PCNX1: variants seen among roughly 807,000 people sequenced by gnomAD.
PCNX1 encodes pecanex-like protein 1.
In PCNX1, 78 loss-of-function variants were observed where a neutral mutation model predicts 242.2. The ratio of observed to expected loss-of-function variants is 0.32; its 90% CI spans 0.27 to 0.39. The LOEUF is 0.39. Ranked by LOEUF, PCNX1 falls within the 10% of genes least tolerant of loss-of-function variation. The pLI is 1.00. For missense variants in PCNX1, 2,581 were observed against 2,856.5 expected (o/e 0.90, Z 2.20); for synonymous variants, 1,024 against 1,032.9 (o/e 0.99, Z 0.17).
At position 71,019,782 on chromosome 14, in the gene PCNX1, T is replaced by C. The variant is rs1284714636; in HGVS notation, c.3150+620T>C. Among the ~76,000 whole-genome samples the C allele has an allele frequency of 2.6e-5, 4 of 152,286 alleles. No individual in the cohort carries two copies. In the East Asian group the frequency reaches 7.7e-4, roughly 29 times the overall value. ...AGTAGTTTTTTTTATTATTATACTT[T>C]AAGTTCTGGGATACATGTGCAGAAT... On this transcript the variant is annotated intron_variant, in intron 12 of 35. Transcript: ENST00000304743.
chr14:71,039,212 T>TA (rs999844203), intron 19 of PCNX1, among the ~76,000 whole-genome samples: 12 of 151,634 alleles, frequency 7.9e-5, no homozygotes, highest in Admixed American at 5.9e-4. Flanking sequence ...CCCTAAAACT[T>TA]AAAGTATAAT....
intron 30 of PCNX1, among the ~76,000 whole-genome samples, chr14:71,095,697 A>G (rs2062256890): frequency 1.3e-5 from 2 of 152,274 alleles, no homozygotes; most frequent in Non-Finnish European, 2.9e-5. Flanking sequence ...TTTTCATTTA[A>G]TATGACATGG....
chr14:70,937,709 A>G (rs1164626546), intron 1 of PCNX1, among the ~76,000 whole-genome samples: 1 of 152,196 alleles, frequency 6.6e-6, no homozygotes, highest in Non-Finnish European at 1.5e-5. Flanking sequence ...CATTGAATCT[A>G]TAAATTACCT....
At chr14:70,973,637 T>C (rs1366806644) in intron 5 of PCNX1, among the ~76,000 whole-genome samples, 1 of 151,982 alleles carries the variant, frequency 6.6e-6, no homozygotes. Flanking sequence ...ATGAGGGATT[T>C]CGATTTTGTA....
intron 35 of PCNX1, 38 bp from the exon 36 acceptor site, chr14:71,109,757 C>T: frequency 6.2e-7 from 1 of 1,609,024 alleles, no homozygotes; most frequent in Admixed American, 1.7e-5. Context: ...TATTCCAGGT[C>T]TCCAGTGCTA....
chr14:70,982,163 A>G (rs2058858673), intron 6 of PCNX1, among the ~76,000 whole-genome samples: 1 of 152,238 alleles, frequency 6.6e-6, no homozygotes, highest in South Asian at 2.1e-4. Flanking sequence ...ATCATTGAGC[A>G]TTAGACAGAA....
intron 2 of PCNX1, among the ~76,000 whole-genome samples, chr14:70,948,739 G>GTA (rs60628602): frequency 0.013 from 1,779 of 142,068 alleles, 39 homozygotes; most frequent in African/African-American, 0.043. Flanking sequence ...ATATATATGT[G>GTA]TATATGTACA....
At chr14:70,992,051 AATT>A (rs2059181099) in intron 7 of PCNX1, among the ~76,000 whole-genome samples, 1 of 152,118 alleles carries the variant, frequency 6.6e-6, no homozygotes, top group East Asian at 1.9e-4. Context: ...ACTGTTTCAG[AATT>A]ATTTTTTAAA....
chr14:70,980,481 C>T (rs1182451269), intron 6 of PCNX1, among the ~76,000 whole-genome samples: 1 of 151,710 alleles, frequency 6.6e-6, no homozygotes, highest in East Asian at 1.9e-4. Flanking sequence ...ATTTTTTTGC[C>T]TGGGGCAGGC....
chr14:70,984,068 T>C (rs1010811362), intron 6 of PCNX1, among the ~76,000 whole-genome samples: 2 of 151,502 alleles, frequency 1.3e-5, no homozygotes, highest in African/African-American at 4.8e-5. Context: ...ATGCCTTTTC[T>C]TTTTCTGAGA....
At chr14:71,054,236 A>C (rs1317406925) in intron 24 of PCNX1, among the ~76,000 whole-genome samples, 1 of 152,242 alleles carries the variant, frequency 6.6e-6, no homozygotes, top group African/African-American at 2.4e-5. Flanking sequence ...TATTACATCA[A>C]AATTCACTCA....
chr14:70,975,395 A>G (rs1167804459), intron 5 of PCNX1, among the ~76,000 whole-genome samples: 1 of 152,214 alleles, frequency 6.6e-6, no homozygotes, highest in Admixed American at 6.5e-5. Context: ...GTAATTGGAC[A>G]TTTATACACT....
chr14:71,016,839 A>C (rs1052626126), intron 11 of PCNX1, among the ~76,000 whole-genome samples: 5 of 152,214 alleles, frequency 3.3e-5, no homozygotes, highest in African/African-American at 1.2e-4. Flanking sequence ...AAGCCCAAGT[A>C]AACAAAAGAA....
rs78470952 is a variant in PCNX1 at position 71,002,818 on chromosome 14, C to G, written c.2630-6816C>G. On this transcript the variant is annotated intron_variant, in intron 8 of 35. Coordinates refer to ENST00000304743, the MANE Select transcript of PCNX1 (RefSeq NM_014982.3). The stretch of plus-strand genomic sequence containing the variant: ...GTTGTGAATAAAATTTCTGAACTGT[C>G]TTTTTGAAAAGAGTTCTACATCCCC... Among the ~76,000 whole-genome samples, 992 of 152,214 alleles carry G rather than the reference C, an allele frequency of 6.5e-3. 12 individuals carry two copies. The highest frequency in any genetic ancestry group is 0.023 in the African/African-American group (937 of 41,516).
At chr14:71,064,542 CTT>C (rs1211381660) in intron 26 of PCNX1, among the ~76,000 whole-genome samples, 1 of 152,118 alleles carries the variant, frequency 6.6e-6, no homozygotes, top group African/African-American at 2.4e-5. Context: ...ATTTAAAAAT[CTT>C]TGATAAACTT....
At chr14:71,016,057 A>G (rs942514553) in intron 11 of PCNX1, among the ~76,000 whole-genome samples, 17 of 152,298 alleles carry the variant, frequency 1.1e-4, no homozygotes, top group East Asian at 9.6e-4. Flanking sequence ...AGGTTAAAAG[A>G]TGGAAAAAGA....
chr14:71,033,445 A>G lies in PCNX1; in HGVS notation c.3575A>G (p.Gln1192Arg). 6.3e-7 allele frequency: 1 copy of G among 1,594,490 alleles called. No homozygotes were observed. The change falls in exon 17 of 36, where the codon CAG (glutamine) becomes CGG (arginine). Residue 1192 changes from glutamine (Q) to arginine (R), a missense_variant. By Grantham distance (43) the Gln-to-Arg change is conservative. Coordinates refer to ENST00000304743, the MANE Select transcript of PCNX1 (RefSeq NM_014982.3). The part of the protein sequence containing the change: ...YGALKDSWDG[Q>R]HIPVLFSIFC... Reference sequence around the variant, plus strand: ...TTTCCGCAGGATTCTTGGGATGGCCAGCATATTCCAGTACTTTTCTCCATT... The same window carrying G: ...TTTCCGCAGGATTCTTGGGATGGCCGGCATATTCCAGTACTTTTCTCCATT...
At chr14:70,992,207 G>A (rs1298666157) in intron 7 of PCNX1, among the ~76,000 whole-genome samples, 2 of 151,974 alleles carry the variant, frequency 1.3e-5, no homozygotes, top group South Asian at 2.1e-4. Flanking sequence ...CATCCTAAAT[G>A]TGTTATCTTT....
In PCNX1 at chr14:71,114,759, A is replaced by C. The variant is rs951222171; in HGVS notation, c.*4824A>C. 1 of 152,522 alleles carries C rather than the reference A, an allele frequency of 6.6e-6. No homozygotes were observed. The highest frequency in any genetic ancestry group is 1.5e-5 in the Non-Finnish European group (1 of 68,020). 9.4% of individuals were successfully genotyped at this position (152,522 alleles called of 1,614,324 possible). A position where few individuals can be genotyped will look rare whatever the true frequency, so the allele number is the denominator to read the frequency against. Reference sequence around the variant, plus strand: ...AAGCTAGAAGGAACAAAGGTCATCTAACACTGTGATGGGGATGAATTCCTG... The same window carrying C: ...AAGCTAGAAGGAACAAAGGTCATCTCACACTGTGATGGGGATGAATTCCTG... On this transcript the variant is annotated 3_prime_UTR_variant, in exon 36 of 36. Transcript: ENST00000304743.
Sources: allele counts gnomAD v4.1 joint callset (sites outside exome capture counted in the v4.1 genomes callset), GRCh38; gene constraint gnomAD v4.1.1; transcripts MANE v1.5; gene names NCBI Gene and HGNC (gene_info 2026-07-23, HGNC 2026-07-21).